Variants in CTNNA2 observed in about 807,000 individuals in gnomAD.
The protein encoded by CTNNA2 is catenin alpha 2.
CTNNA2 carries 42 observed loss-of-function variants against 101.0 expected under a neutral mutation model. That is an observed-to-expected ratio of 0.42 (90% CI 0.32 to 0.54). The LOEUF (loss-of-function observed/expected upper bound fraction) is 0.54. Ranked by LOEUF, CTNNA2 falls within the 20% of genes least tolerant of loss-of-function variation. The pLI, the probability that CTNNA2 is intolerant of heterozygous loss-of-function variation, is 0.14. For missense variants in CTNNA2, 871 were observed against 1,223.1 expected (o/e 0.71, Z 4.29); for synonymous variants, 450 against 456.4 (o/e 0.99, Z 0.18).
intron 2 of CTNNA2, among the ~76,000 whole-genome samples, chr2:79,208,474 A>G (rs1345095390): frequency 6.6e-6 from 1 of 152,180 alleles, no homozygotes; most frequent in Non-Finnish European, 1.5e-5. Context: ...GGTTTGAAAC[A>G]CTAGAGAGGA....
chr2:80,038,118 G>T (rs1482048768), intron 7 of CTNNA2, among the ~76,000 whole-genome samples: 1 of 152,020 alleles, frequency 6.6e-6, no homozygotes, highest in East Asian at 1.9e-4. Flanking sequence ...ATTTCATTTT[G>T]CACTCCAGTA....
At chr2:79,742,534 G>T (rs1671360869) in intron 2 of CTNNA2, among the ~76,000 whole-genome samples, 1 of 152,106 alleles carries the variant, frequency 6.6e-6, no homozygotes, top group Non-Finnish European at 1.5e-5. Flanking sequence ...GGCTGTTCTG[G>T]GGAGTTGAGG....
chr2:79,266,183 A>AT (rs1180712394), intron 2 of CTNNA2, among the ~76,000 whole-genome samples: 3 of 152,156 alleles, frequency 2.0e-5, no homozygotes, highest in South Asian at 2.1e-4. Context: ...TAGTACCTCC[A>AT]TTTTTTTGCA....
At chr2:80,456,923 A>C (rs1460116326) in intron 9 of CTNNA2, among the ~76,000 whole-genome samples, 1 of 152,194 alleles carries the variant, frequency 6.6e-6, no homozygotes, top group African/African-American at 2.4e-5. Context: ...GCTTGATAGC[A>C]CAGTGGGGTG....
intron 7 of CTNNA2, among the ~76,000 whole-genome samples, chr2:79,958,122 T>C (rs552077696): frequency 1.1e-4 from 17 of 152,240 alleles, no homozygotes; most frequent in Non-Finnish European, 1.6e-4. Flanking sequence ...AGAACTTGAC[T>C]CAATATCCCA....
chr2:79,284,756 C>A (rs7581076), intron 2 of CTNNA2, among the ~76,000 whole-genome samples: 124,038 of 149,194 alleles, frequency 0.83, 51,741 homozygotes, highest in African/African-American at 0.85. Context: ...CCTTGGTATC[C>A]GGATGATGCT....
intron 9 of CTNNA2, among the ~76,000 whole-genome samples, chr2:80,453,321 C>A (rs769982931): frequency 3.9e-5 from 6 of 151,946 alleles, no homozygotes; most frequent in Non-Finnish European, 8.8e-5. Context: ...GCACCCACCC[C>A]CACCCTAACC....
chr2:80,563,576 A>T (rs924291037), intron 12 of CTNNA2, among the ~76,000 whole-genome samples: 2 of 152,140 alleles, frequency 1.3e-5, no homozygotes, highest in African/African-American at 4.8e-5. Flanking sequence ...AGGTCTTGCT[A>T]TACTGGCTAG....
intron 12 of CTNNA2, 146 bp downstream of exon 12, chr2:80,556,039 C>T (rs941766309): frequency 1.2e-4 from 59 of 502,568 alleles, no homozygotes; most frequent in Non-Finnish European, 1.8e-4. Context: ...TGAGTGTTCT[C>T]TTTGTTTTTT....
intron 3 of CTNNA2, among the ~76,000 whole-genome samples, chr2:79,793,341 T>A (rs1254675886): frequency 1.3e-5 from 2 of 152,056 alleles, no homozygotes; most frequent in Non-Finnish European, 2.9e-5. Flanking sequence ...CTGAGTCCCA[T>A]GGGGGTGAGA....
At chr2:80,560,564 C>T (rs1693491562) in intron 12 of CTNNA2, among the ~76,000 whole-genome samples, 1 of 152,138 alleles carries the variant, frequency 6.6e-6, no homozygotes, top group Non-Finnish European at 1.5e-5. Flanking sequence ...AATTATTGCC[C>T]ATGAGTCCCC....
intron 4 of CTNNA2, among the ~76,000 whole-genome samples, chr2:79,865,043 A>C (rs115340359): frequency 6.6e-6 from 1 of 152,208 alleles, no homozygotes; most frequent in South Asian, 2.1e-4. Flanking sequence ...AACTTTGGAA[A>C]TATATAATAA....
chr2:80,162,826 A>T, intron 7 of CTNNA2: 2 of 1,598,006 alleles, frequency 1.3e-6, no homozygotes, highest in East Asian at 4.5e-5. Context: ...TGTCTCTGAA[A>T]ATTTTCTGGA....
At chr2:79,346,389 C>T (rs1434208) in intron 3 of CTNNA2, among the ~76,000 whole-genome samples, 54,452 of 152,010 alleles carry the variant, frequency 0.36, 10,158 homozygotes, top group South Asian at 0.49. Flanking sequence ...TCTTGACCTA[C>T]AATTTAACCT....
At chr2:79,555,002 A>G (rs927626097) in intron 1 of CTNNA2, among the ~76,000 whole-genome samples, 21 of 152,210 alleles carry the variant, frequency 1.4e-4, no homozygotes, top group African/African-American at 5.1e-4. Context: ...GCAAAACAAA[A>G]GAGCCCTTAG....
At chr2:80,002,793 C>T (rs988667469) in intron 7 of CTNNA2, among the ~76,000 whole-genome samples, 1 of 152,188 alleles carries the variant, frequency 6.6e-6, no homozygotes, top group African/African-American at 2.4e-5. Flanking sequence ...CCACGCTCAT[C>T]ACTGATATAC....
At chr2:79,561,876 G>A (rs965509140) in intron 1 of CTNNA2, among the ~76,000 whole-genome samples, 1 of 151,632 alleles carries the variant, frequency 6.6e-6, no homozygotes, top group Non-Finnish European at 1.5e-5. Context: ...CTAGATATAT[G>A]ATTTGAAAAA....
At chr2:80,141,769 G>C (rs1359941150) in intron 7 of CTNNA2, among the ~76,000 whole-genome samples, 12 of 152,020 alleles carry the variant, frequency 7.9e-5, no homozygotes, top group Non-Finnish European at 2.9e-5. Context: ...TGAGCAACTT[G>C]TCAAGCAAGA....
At chr2:80,038,715 G>A (rs1440929377) in intron 7 of CTNNA2, among the ~76,000 whole-genome samples, 2 of 152,196 alleles carry the variant, frequency 1.3e-5, no homozygotes, top group Non-Finnish European at 1.5e-5. Flanking sequence ...GCTTGGTGGA[G>A]GGTGCCTTTA....
Sources: allele counts gnomAD v4.1 joint callset (sites outside exome capture counted in the v4.1 genomes callset), GRCh38; gene constraint gnomAD v4.1.1; transcripts MANE v1.5; gene names NCBI Gene and HGNC (gene_info 2026-07-23, HGNC 2026-07-21).